ARID3A: variants seen among roughly 807,000 people sequenced by gnomAD.
ARID3A encodes AT-rich interaction domain 3A.
A neutral mutation model predicts 52.7 loss-of-function variants in ARID3A; 11 were observed. The observed-to-expected ratio is 0.21, with a 90% confidence interval of 0.13 to 0.35. ARID3A has a LOEUF of 0.35. Ranked by LOEUF, ARID3A falls within the 10% of genes least tolerant of loss-of-function variation. ARID3A has a pLI of 1.00. For missense variants in ARID3A, 721 were observed against 838.5 expected (o/e 0.86, Z 1.73); for synonymous variants, 404 against 359.4 (o/e 1.12, Z -1.40).
rs375496194 is a variant in ARID3A at position 929,824 on chromosome 19, C to T, written c.296C>T (p.Pro99Leu). ...GAGGACGCGGCCCGGGAGGGGACAC[C>T]GGGCTCACCCGGGCGAGGCAGAGAA... The part of the protein sequence containing the change: ...EEEDAAREGT[P>L]GSPGRGREGP... Residue 99 changes from proline to leucine, a missense_variant, in exon 2 of 9, where the codon CCG becomes CTG. Physicochemically the swap from Pro to Leu is moderately conservative, Grantham distance 98. This residue lies in a region of ARID3A where 349 missense variants were observed against 297.3 expected (regional missense o/e 1.17). Transcript: ENST00000263620. This position sits in a 1 kb window ranked among gnomAD's most constrained non-coding sequence, Gnocchi z 6.2. The T allele has an allele frequency of 1.9e-4, 296 of 1,545,020 alleles. No individual in the cohort carries two copies. The highest frequency in any genetic ancestry group is 4.1e-4 in the East Asian group (17 of 41,064).
intron 4 of ARID3A, among the ~76,000 whole-genome samples, chr19:962,728 TG>T (rs2038069858): frequency 6.6e-6 from 1 of 151,998 alleles, no homozygotes; most frequent in Non-Finnish European, 1.5e-5. Context: ...TTGGCCAGGC[TG>T]GTCTCGAACT....
In ARID3A at chr19:960,690, A is replaced by G. The variant is rs2038022535; in HGVS notation, c.766+526A>G. Among the ~76,000 whole-genome samples the G allele has an allele frequency of 1.3e-5, 2 of 152,004 alleles. No homozygotes were observed. The highest frequency in any genetic ancestry group is 4.8e-5 in the African/African-American group (2 of 41,348). Reference sequence around the variant, plus strand: ...TTCCCACCAGGGCCTCAGTTTCCCCATCTGTAAAAACGGGCCACAAACAGT... The same window carrying G: ...TTCCCACCAGGGCCTCAGTTTCCCCGTCTGTAAAAACGGGCCACAAACAGT... On this transcript the variant is annotated intron_variant, in intron 4 of 8. Transcript: ENST00000263620. This position sits in a 1 kb window ranked among gnomAD's most constrained non-coding sequence, Gnocchi z 4.3.
rs542926336 is a variant in ARID3A, at chr19:944,425, C to G, written c.693+11683C>G. ...GAGTGTCGGTGGGGGCGGTCCCACA[C>G]GGCCATGGTTTGTGTCTGCCACGGC... On this transcript the variant is annotated intron_variant, in intron 3 of 8. Coordinates refer to ENST00000263620, the MANE Select transcript of ARID3A (RefSeq NM_005224.3). The surrounding 1 kb of genome is among the most constrained non-coding windows in gnomAD (Gnocchi z 5.9). 2.6e-5 allele frequency among the ~76,000 whole-genome samples: 4 copies of G among 152,114 alleles called. No individual in the cohort carries two copies. Among genetic ancestry groups the G allele is most frequent in the South Asian group, 4.2e-4 (2 of 4,814 alleles).
rs1035636032 is a variant in ARID3A, at chr19:944,737, C to T, written c.693+11995C>T. 7.9e-5 allele frequency among the ~76,000 whole-genome samples: 12 copies of T among 152,148 alleles called. No individual in the cohort carries two copies. The highest frequency in any genetic ancestry group is 1.3e-4 in the Admixed American group (2 of 15,266). On this transcript the variant is annotated intron_variant, in intron 3 of 8. Coordinates refer to ENST00000263620, the MANE Select transcript of ARID3A (RefSeq NM_005224.3). This position sits in a 1 kb window ranked among gnomAD's most constrained non-coding sequence, Gnocchi z 5.9. ...ACCTCCCGGGCTCCGGTGATCTTCC[C>T]GTGTCAGCCTCCTGAGTAGCTGGGA...
rs2037356299 is a variant in ARID3A at position 932,592 on chromosome 19, G to A, written c.543G>A (p.Gln181=). The A allele has an allele frequency of 6.6e-7, 1 of 1,515,690 alleles. No individual in the cohort carries two copies. Among genetic ancestry groups the A allele is most frequent in the African/African-American group, 1.4e-5 (1 of 70,848 alleles). 93.9% of individuals were successfully genotyped at this position (1,515,690 alleles called of 1,614,324 possible). The change falls in exon 3 of 9, where the codon CAG becomes CAA. Residue 181 remains glutamine, a synonymous_variant. Transcript: ENST00000263620. The part of the protein sequence containing the change: ...ALFPRKAQPP[Q]AFRGDGVPRV... ...TCCCCCGAAAGGCCCAGCCACCCCA[G>A]GCCTTCCGCGGCGATGGCGTTCCCA...
chr19:944,681 C>A lies in ARID3A; in HGVS notation c.693+11939C>A, dbSNP rs945854615. Among the ~76,000 whole-genome samples, 1 of 152,102 alleles carries A rather than the reference C, an allele frequency of 6.6e-6. No homozygotes were observed. The highest frequency in any genetic ancestry group is 2.4e-5 in the African/African-American group (1 of 41,416). The stretch of plus-strand genomic sequence containing the variant: ...CGTGCTGTCACCCAGGCTGGAGTGC[C>A]GCGGTGCAGTCATAGCTCACTGCAG... On this transcript the variant is annotated intron_variant, in intron 3 of 8. Transcript: ENST00000263620. The surrounding 1 kb of genome is among the most constrained non-coding windows in gnomAD (Gnocchi z 5.9).
At chr19:934,248 G>A (rs746550356) in intron 3 of ARID3A, among the ~76,000 whole-genome samples, 1 of 152,146 alleles carries the variant, frequency 6.6e-6, no homozygotes, top group Non-Finnish European at 1.5e-5. Context: ...GGGGGTCAGA[G>A]GTGAATGGGA....
intron 4 of ARID3A, among the ~76,000 whole-genome samples, chr19:961,393 C>G (rs935108586): frequency 6.6e-6 from 1 of 152,234 alleles, no homozygotes; most frequent in Admixed American, 6.5e-5. Flanking sequence ...GATCCAGACC[C>G]GGGACCTGGG....
At position 929,305 on chromosome 19, in the gene ARID3A, C is replaced by A; in HGVS notation, c.-224C>A. ...ATGAGCCGGATGCCAGCCTCTGTCCCCTGGAGCCCAGCGTGAGGAAGAGGC... is the reference window on the plus strand; with the variant it reads ...ATGAGCCGGATGCCAGCCTCTGTCCACTGGAGCCCAGCGTGAGGAAGAGGC... On this transcript the variant is annotated 5_prime_UTR_variant, in exon 2 of 9. Transcript: ENST00000263620. This position sits in a 1 kb window ranked among gnomAD's most constrained non-coding sequence, Gnocchi z 6.2. 2.2e-6 allele frequency: 1 copy of A among 461,060 alleles called. No homozygotes were observed. The highest frequency in any genetic ancestry group is 9.6e-5 in the South Asian group (1 of 10,438). 28.6% of individuals were successfully genotyped at this position (461,060 alleles called of 1,614,324 possible).
intron 3 of ARID3A, among the ~76,000 whole-genome samples, chr19:940,989 CAGCCGGAAG>C (rs1364924240): frequency 6.6e-6 from 1 of 152,104 alleles, no homozygotes; most frequent in African/African-American, 2.4e-5. Flanking sequence ...GTCGCTGACT[CAGCCGGAAG>C]AGCCTTATCT....
intron 7 of ARID3A, 59 bp from the exon 8 acceptor site, chr19:968,344 GCA>G (rs1160082526): frequency 1.8e-5 from 26 of 1,466,392 alleles, no homozygotes; most frequent in Non-Finnish European, 2.3e-5. Flanking sequence ...GGGCAACAGA[GCA>G]AGACTCTGTC....
chr19:969,117 T>G (rs2145470507), intron 8 of ARID3A, among the ~76,000 whole-genome samples: 1 of 152,258 alleles, frequency 6.6e-6, no homozygotes, highest in African/African-American at 2.4e-5. Context: ...TTTTTTATTT[T>G]TTTTAATTTG....
At position 938,467 on chromosome 19, in the gene ARID3A, G is replaced by A. The variant is rs145831876; in HGVS notation, c.693+5725G>A. Among the ~76,000 whole-genome samples, 25 of 152,292 alleles carry A rather than the reference G, an allele frequency of 1.6e-4. No individual in the cohort carries two copies. In the East Asian group the frequency reaches 4.4e-3, roughly 27 times the overall value. On this transcript the variant is annotated intron_variant, in intron 3 of 8. Coordinates refer to ENST00000263620, the MANE Select transcript of ARID3A (RefSeq NM_005224.3). The surrounding 1 kb of genome is among the most constrained non-coding windows in gnomAD (Gnocchi z 4.0). ...TCACATGACTTGTGCACAGTCGCCCGGGGGACGTGTCAGAGCTGGAATTTG... is the reference window on the plus strand; with the variant it reads ...TCACATGACTTGTGCACAGTCGCCCAGGGGACGTGTCAGAGCTGGAATTTG...
intron 1 of ARID3A, among the ~76,000 whole-genome samples, chr19:926,999 C>T (rs922549744): frequency 9.9e-5 from 15 of 152,022 alleles, no homozygotes; most frequent in Admixed American, 8.5e-4. Context: ...CCAGGCCCCC[C>T]CAACCCAGGA....
chr19:929,678 G>C lies in ARID3A; in HGVS notation c.150G>C (p.Glu50Asp). The change falls in exon 2 of 9, where the codon GAG becomes GAC. Residue 50 changes from glutamate (E) to aspartate (D), a missense_variant. By Grantham distance (45) the Glu-to-Asp change is conservative. Transcript: ENST00000263620. This position sits in a 1 kb window ranked among gnomAD's most constrained non-coding sequence, Gnocchi z 6.2. ...CCCCCGACGAGGACAGAGAGCCCGAGAGTGCCCGGATGCAGCGGGCTCAGA... is the reference window on the plus strand; with the variant it reads ...CCCCCGACGAGGACAGAGAGCCCGACAGTGCCCGGATGCAGCGGGCTCAGA... ...RAAPDEDREPESARMQRAQMA... is the reference protein window; with the variant it reads ...RAAPDEDREPDSARMQRAQMA... 6.4e-7 allele frequency: 1 copy of C among 1,556,626 alleles called. No individual in the cohort carries two copies. Among genetic ancestry groups the C allele is most frequent in the African/African-American group, 1.3e-5 (1 of 74,238 alleles).
chr19:946,085 G>C (rs1188884610), intron 3 of ARID3A, among the ~76,000 whole-genome samples: 1 of 152,290 alleles, frequency 6.6e-6, no homozygotes, highest in Non-Finnish European at 1.5e-5. Flanking sequence ...GCGTCCAGGT[G>C]GGAGCATGAG....
At position 929,462 on chromosome 19, in the gene ARID3A, G is replaced by T; in HGVS notation, c.-67G>T. 1 of 1,007,936 alleles carries T rather than the reference G, an allele frequency of 9.9e-7. No individual in the cohort carries two copies. Among genetic ancestry groups the T allele is most frequent in the Non-Finnish European group, 1.3e-6 (1 of 768,898 alleles). The allele number at this position is 1,007,936 out of a possible 1,614,324, so 62.4% of individuals were successfully genotyped here. On this transcript the variant is annotated 5_prime_UTR_variant, in exon 2 of 9. Transcript: ENST00000263620. The surrounding 1 kb of genome is among the most constrained non-coding windows in gnomAD (Gnocchi z 6.2). ...CCCCCTCCCCGCAGGGGCCGCCCCC[G>T]CCGCCCACCCCTAGCGCCCGTGGTG...
intron 3 of ARID3A, among the ~76,000 whole-genome samples, chr19:934,935 C>G (rs1025363604): frequency 1.3e-5 from 2 of 152,146 alleles, no homozygotes; most frequent in South Asian, 2.1e-4. Context: ...CTGGGCTGTT[C>G]GTGGCAGGTC....
chr19:971,963 C>A lies in ARID3A; in HGVS notation c.1680C>A (p.Asn560Lys). 1 of 1,601,392 alleles carries A rather than the reference C, an allele frequency of 6.2e-7. No homozygotes were observed. Among genetic ancestry groups the A allele is most frequent in the Non-Finnish European group, 8.5e-7 (1 of 1,174,396 alleles). ...GCGGCGGCGGCGGCAGCAGCAGCAACGCAGGCGGCCGGGGAGGAAACACCG... is the reference window on the plus strand; with the variant it reads ...GCGGCGGCGGCGGCAGCAGCAGCAAAGCAGGCGGCCGGGGAGGAAACACCG... ...GGGGGGGSSS[N>K]AGGRGGNTGT... Residue 560 changes from asparagine (N) to lysine (K), a missense_variant, in exon 9 of 9, where the codon AAC becomes AAA. Coordinates refer to ENST00000263620, the MANE Select transcript of ARID3A (RefSeq NM_005224.3).
Sources: gnomAD v4.1 joint callset for allele counts (sites outside exome capture counted in the v4.1 genomes callset) on GRCh38, gnomAD v4.1.1 for gene constraint, gnomAD v4.1.1 regional missense constraint, Gnocchi (gnomAD v3.1) non-coding constraint, MANE v1.5 for transcripts, NCBI Gene and HGNC (gene_info 2026-07-23, HGNC 2026-07-21) for gene names.